Variants in RSF1 observed in about 807,000 individuals in gnomAD.
The protein encoded by RSF1 is remodeling and spacing factor 1.
In RSF1, 13 loss-of-function variants were observed where a neutral mutation model predicts 145.2. The ratio of observed to expected loss-of-function variants is 0.09; its 90% CI spans 0.06 to 0.14. RSF1 has a LOEUF of 0.14. Ranked by LOEUF, RSF1 falls within the 10% of genes least tolerant of loss-of-function variation. The pLI is 1.00. For missense variants in RSF1, 1,517 were observed against 1,718.2 expected (o/e 0.88, Z 2.07); for synonymous variants, 577 against 592.6 (o/e 0.97, Z 0.38).
rs138768163 is a variant in RSF1, at chr11:77,708,511, A to T, written c.734-6016T>A. 4.9e-3 allele frequency among the ~76,000 whole-genome samples: 751 copies of T among 152,314 alleles called. 3 individuals are homozygous for T. Among genetic ancestry groups the T allele is most frequent in the Middle Eastern group, 0.01 (3 of 294 alleles). ...TCCTTCCATTAATGCTTTGCATTTC[A>T]TATCCTCTAGCCCACTCAGAAAGAG... On this transcript the variant is annotated intron_variant, in intron 5 of 15. Transcript: ENST00000308488.
chr11:77,707,752 T>C (rs895563178), intron 5 of RSF1, among the ~76,000 whole-genome samples: 1 of 152,230 alleles, frequency 6.6e-6, no homozygotes, highest in East Asian at 1.9e-4. Flanking sequence ...AACTATTCAA[T>C]AAATATTTAC....
intron 1 of RSF1, among the ~76,000 whole-genome samples, chr11:77,820,020 G>C (rs1416562544): frequency 6.6e-6 from 1 of 152,162 alleles, no homozygotes; most frequent in African/African-American, 2.4e-5. Context: ...GCTGGCCCCC[G>C]CCCACCCAGG....
At chr11:77,671,779 C>T (rs969801751) in intron 15 of RSF1, among the ~76,000 whole-genome samples, 6 of 151,924 alleles carry the variant, frequency 3.9e-5, no homozygotes, top group African/African-American at 7.3e-5. Flanking sequence ...AGATTACAGG[C>T]GCGTATCACC....
intron 2 of RSF1, among the ~76,000 whole-genome samples, chr11:77,749,407 C>T (rs1386970947): frequency 1.3e-5 from 2 of 152,116 alleles, no homozygotes; most frequent in Non-Finnish European, 2.9e-5. Context: ...CGGTTGAGTA[C>T]CAAGTCCCTA....
chr11:77,860,482 G>T, the RSF1 span, among the ~76,000 whole-genome samples: 12 of 152,230 alleles, frequency 7.9e-5, no homozygotes, highest in Non-Finnish European at 1.6e-4. Context: ...CTGAGCGTTT[G>T]GTTTGGAAAC....
Position 77,676,913 on chromosome 11 carries a change from T to C in RSF1, c.3220A>G (p.Asn1074Asp). The change falls in exon 13 of 16, where the codon AAT (asparagine) becomes GAT (aspartate). Residue 1074 changes from asparagine to aspartate, a missense_variant. Coordinates refer to ENST00000308488, the MANE Select transcript of RSF1 (RefSeq NM_016578.4). ...STILDEERKE[N>D]KRPQRAAAAR... The stretch of plus-strand genomic sequence containing the variant: ...GCAGCTGCCCTCTGGGGTCGTTTAT[T>C]TTCTTTTCTTTCTTCATCCAAAATA... 1 of 1,614,122 alleles carries C rather than the reference T, an allele frequency of 6.2e-7. No individual in the cohort carries two copies. Among genetic ancestry groups the C allele is most frequent in the Non-Finnish European group, 8.5e-7 (1 of 1,179,994 alleles).
At chr11:77,682,518 A>T (rs765948637) in intron 11 of RSF1, among the ~76,000 whole-genome samples, 2 of 152,248 alleles carry the variant, frequency 1.3e-5, no homozygotes, top group Non-Finnish European at 2.9e-5. Flanking sequence ...TAAGATTTCT[A>T]GGAATAGCTA....
chr11:77,869,623 C>T, the RSF1 span: 1 of 1,177,880 alleles, frequency 8.5e-7, no homozygotes, highest in South Asian at 1.3e-5. Context: ...CAAAGTGAAC[C>T]TCAGTAGACA....
At chr11:77,779,299 C>T (rs1948379125) in intron 1 of RSF1, among the ~76,000 whole-genome samples, 1 of 152,136 alleles carries the variant, frequency 6.6e-6, no homozygotes, top group Admixed American at 6.5e-5. Flanking sequence ...CCTTCAACTC[C>T]TGAGCTCAAG....
At chr11:77,670,721 T>C (rs116001531) in intron 15 of RSF1, among the ~76,000 whole-genome samples, 7 of 152,132 alleles carry the variant, frequency 4.6e-5, no homozygotes, top group African/African-American at 1.7e-4. Flanking sequence ...TTCTTTAGCA[T>C]CCCACATCCA....
At chr11:77,791,799 T>C (rs866297344) in intron 1 of RSF1, among the ~76,000 whole-genome samples, 3 of 152,222 alleles carry the variant, frequency 2.0e-5, no homozygotes, top group Non-Finnish European at 4.4e-5. Context: ...CTGGATCTTA[T>C]TGTCCATATC....
chr11:77,791,724 T>C (rs1203613676), intron 1 of RSF1, among the ~76,000 whole-genome samples: 1 of 152,194 alleles, frequency 6.6e-6, no homozygotes, highest in Non-Finnish European at 1.5e-5. Context: ...TGCTAAAACA[T>C]AACAAGAATC....
chr11:77,677,652 T>C (rs1959744325), intron 12 of RSF1, among the ~76,000 whole-genome samples: 1 of 152,232 alleles, frequency 6.6e-6, no homozygotes, highest in African/African-American at 2.4e-5. Flanking sequence ...AGTTCTTCTA[T>C]TTTAATGCCA....
upstream of RSF1, among the ~76,000 whole-genome samples, chr11:77,825,779 C>T (rs992096191): frequency 6.6e-6 from 1 of 151,470 alleles, no homozygotes; most frequent in Non-Finnish European, 1.5e-5. Context: ...GCAACCTCTG[C>T]CTCCTAAGTT....
chr11:77,787,297 C>T (rs988683584), intron 1 of RSF1, among the ~76,000 whole-genome samples: 1 of 152,116 alleles, frequency 6.6e-6, no homozygotes, highest in Non-Finnish European at 1.5e-5. Context: ...CAAATTATAT[C>T]CTACAGATCA....
At position 77,764,676 on chromosome 11, in the gene RSF1, C is replaced by T. The variant is rs1333430364; in HGVS notation, c.201G>A (p.Leu67=). 1.9e-6 allele frequency: 3 copies of T among 1,598,274 alleles called. No individual in the cohort carries two copies. The highest frequency in any genetic ancestry group is 2.7e-5 in the African/African-American group (2 of 74,304). ...TCATCAGCTTCAAATGGAGCTCCAC[C>T]AATTCTTTTGGTACTTAAAAGAAAG... ...DVGNGEVPKE[L]VELHLKLMRK... is the part of the protein sequence containing the mutation. Residue 67 remains leucine, a synonymous_variant, in exon 2 of 16, where the codon TTG becomes TTA. Coordinates refer to ENST00000308488, the MANE Select transcript of RSF1 (RefSeq NM_016578.4).
chr11:77,687,727 C>A (rs1960048112), intron 9 of RSF1, among the ~76,000 whole-genome samples: 2 of 151,986 alleles, frequency 1.3e-5, no homozygotes, highest in African/African-American at 4.8e-5. Context: ...GACATTTAAA[C>A]AAAGAGGATT....
At chr11:77,687,436 A>G (rs763098117) in intron 9 of RSF1, among the ~76,000 whole-genome samples, 2 of 152,172 alleles carry the variant, frequency 1.3e-5, no homozygotes, top group South Asian at 2.1e-4. Context: ...CTGTAAACCC[A>G]TAATTTTGGG....
At position 77,682,673 on chromosome 11, in the gene RSF1, C is replaced by T. The variant is rs115328539; in HGVS notation, c.3065+1037G>A. Reference sequence around the variant, plus strand: ...GCTAGGTATAGGGGACACAAGTCCACGTAAAACAGACATGGTCCTTACCTT... The same window carrying T: ...GCTAGGTATAGGGGACACAAGTCCATGTAAAACAGACATGGTCCTTACCTT... On this transcript the variant is annotated intron_variant, in intron 11 of 15. Coordinates refer to ENST00000308488, the MANE Select transcript of RSF1 (RefSeq NM_016578.4). 2.0e-3 allele frequency among the ~76,000 whole-genome samples: 301 copies of T among 152,216 alleles called. 2 individuals are homozygous for T. Among genetic ancestry groups the T allele is most frequent in the African/African-American group, 7.0e-3 (290 of 41,542 alleles).
Sources: allele counts gnomAD v4.1 joint callset (sites outside exome capture counted in the v4.1 genomes callset), GRCh38; gene constraint gnomAD v4.1.1; transcripts MANE v1.5; gene names NCBI Gene and HGNC (gene_info 2026-07-23, HGNC 2026-07-21).